SORBS3: variants seen among roughly 807,000 people sequenced by gnomAD.
SORBS3 encodes sorbin and SH3 domain containing 3, also known as vinexin.
A neutral mutation model predicts 98.0 loss-of-function variants in SORBS3; 69 were observed. The ratio of observed to expected loss-of-function variants is 0.70; its 90% CI spans 0.58 to 0.86. The LOEUF (loss-of-function observed/expected upper bound fraction) is 0.86, where lower values mean the gene tolerates loss of function less well. Ranked by LOEUF, SORBS3 falls within the 40% of genes least tolerant of loss-of-function variation. SORBS3 has a pLI of 0.00. For synonymous variants in SORBS3, 394 were observed against 355.4 expected, an observed-to-expected ratio of 1.11 and a Z score of -1.22; for missense variants, 954 against 908.5, an observed-to-expected ratio of 1.05 and a Z score of -0.64.
chr8:22,552,315 T>C (rs754271), intron 1 of SORBS3, among the ~76,000 whole-genome samples: 11,260 of 151,722 alleles, frequency 0.074, 535 homozygotes, highest in African/African-American at 0.13. Flanking sequence ...GCCTCCCCTC[T>C]CCCGCTCCAG....
upstream of SORBS3, among the ~76,000 whole-genome samples, chr8:22,550,535 C>T (rs1840064694): frequency 6.6e-6 from 1 of 152,248 alleles, no homozygotes; most frequent in Non-Finnish European, 1.5e-5. Flanking sequence ...TCAACCCAAA[C>T]ATCTCCTCCA....
At chr8:22,565,666 C>A (rs1840394058) in intron 11 of SORBS3, 160 bp from the exon 12 acceptor site, 2 of 1,201,752 alleles carry the variant, frequency 1.7e-6, no homozygotes, top group Non-Finnish European at 2.1e-6. Context: ...TCCCCTAGTT[C>A]CCGCCCCGCT....
At chr8:22,555,438 A>AT (rs1840166104) in intron 3 of SORBS3, among the ~76,000 whole-genome samples, 1 of 152,220 alleles carries the variant, frequency 6.6e-6, no homozygotes, top group Admixed American at 6.5e-5. Context: ...GCCAGCCCTG[A>AT]ACATGTCTCT....
In SORBS3 at chr8:22,564,046, C is replaced by T; in HGVS notation, c.644C>T (p.Ala215Val). Residue 215 changes from alanine to valine, a missense_variant, in exon 8 of 21, where the codon GCA becomes GTA. By Grantham distance (64) the Ala-to-Val change is moderately conservative. Transcript: ENST00000240123. ...AGCACCTTCAACTACAGACCTGGAG[C>T]ATTCTCCACTGTGCTGCAGCCCTCA... ...PRSTFNYRPGAFSTVLQPSNQ... is the reference protein window; with the variant it reads ...PRSTFNYRPGVFSTVLQPSNQ... 1 of 1,613,966 alleles carries T rather than the reference C, an allele frequency of 6.2e-7. No individual in the cohort carries two copies. Among genetic ancestry groups the T allele is most frequent in the Non-Finnish European group, 8.5e-7 (1 of 1,180,018 alleles).
At chr8:22,571,666 G>A (rs889443925) in intron 18 of SORBS3, 52 bp from the exon 19 acceptor site, 1 of 1,387,130 alleles carries the variant, frequency 7.2e-7, no homozygotes, top group Non-Finnish European at 1.0e-6. Context: ...AGGCTTACAT[G>A]TACCCATCGT....
At chr8:22,546,382 C>G (rs1053687922) in intron 1 of SORBS3, among the ~76,000 whole-genome samples, 1 of 152,152 alleles carries the variant, frequency 6.6e-6, no homozygotes, top group Admixed American at 6.5e-5. Context: ...CTGGTCTGGT[C>G]TCTGATGATA....
At position 22,566,349 on chromosome 8, in the gene SORBS3, G is replaced by C; in HGVS notation, c.955G>C (p.Ala319Pro). The change falls in exon 13 of 21, where the codon GCC (alanine) becomes CCC (proline). Residue 319 changes from alanine to proline, a missense_variant. Physicochemically the swap from Ala to Pro is conservative, Grantham distance 27. Coordinates refer to ENST00000240123, the MANE Select transcript of SORBS3 (RefSeq NM_005775.5). ...CAGTCTCTGTGCCCCGTGCAGCCCGGCCTCAGCCTGGAGCTCCAGCTACCC... is the reference window on the plus strand; with the variant it reads ...CAGTCTCTGTGCCCCGTGCAGCCCGCCCTCAGCCTGGAGCTCCAGCTACCC... ...APEQRPPAGP[A>P]SAWSSSYPHA... is the part of the protein sequence containing the mutation. The C allele has an allele frequency of 6.2e-7, 1 of 1,613,314 alleles. No homozygotes were observed. Among genetic ancestry groups the C allele is most frequent in the Non-Finnish European group, 8.5e-7 (1 of 1,179,792 alleles).
chr8:22,575,574 CTG>C lies in SORBS3; in HGVS notation c.*849_*850del, dbSNP rs1840713026. 1 of 152,820 alleles carries C rather than the reference CTG, an allele frequency of 6.5e-6. No homozygotes were observed. Among genetic ancestry groups the C allele is most frequent in the African/African-American group, 2.4e-5 (1 of 41,434 alleles). The allele number at this position is 152,820 out of a possible 1,614,324, so 9.5% of individuals were successfully genotyped here. On this transcript the variant is annotated 3_prime_UTR_variant, in exon 21 of 21. Transcript: ENST00000240123. ...AGATGGGAATTCCTTCTGTGGAGGG[CTG>C]TGCTGGGAGACAGGTGGGACAGGTG...
At chr8:22,567,975 G>C (rs984593340) in intron 16 of SORBS3, among the ~76,000 whole-genome samples, 1 of 151,736 alleles carries the variant, frequency 6.6e-6, no homozygotes, top group Non-Finnish European at 1.5e-5. Flanking sequence ...AGCTTCCTAA[G>C]TAGCTGGGAC....
In SORBS3 at chr8:22,571,149, C is replaced by G; in HGVS notation, c.1671C>G (p.Asp557Glu). ...TGCGCAGCCCAGCTGACCCCATCGA[C>G]TTGGGGGGACAGACCTCCCCCCGTC... ...SALRSPADPI[D>E]LGGQTSPRRT... Residue 557 changes from aspartate (D) to glutamate (E), a missense_variant, in exon 18 of 21, where the codon GAC becomes GAG. Asp to Glu is a conservative substitution (Grantham distance 45, BLOSUM62 2). Transcript: ENST00000240123. 6.3e-7 allele frequency: 1 copy of G among 1,594,716 alleles called. No individual in the cohort carries two copies. Among genetic ancestry groups the G allele is most frequent in the Non-Finnish European group, 8.5e-7 (1 of 1,172,712 alleles).
chr8:22,572,552 C>G (rs561293430), intron 20 of SORBS3, 106 bp downstream of exon 20: 290 of 889,292 alleles, frequency 3.3e-4, no homozygotes, highest in Middle Eastern at 9.8e-4. Flanking sequence ...CCGACCACCC[C>G]CCGACTCAGC....
upstream of SORBS3, among the ~76,000 whole-genome samples, chr8:22,547,890 G>A (rs937294100): frequency 2.0e-5 from 3 of 152,190 alleles, no homozygotes; most frequent in Non-Finnish European, 4.4e-5. Context: ...GAGGACAGGC[G>A]GGATAAATTG....
At position 22,565,238 on chromosome 8, in the gene SORBS3, C is replaced by G; in HGVS notation, c.817-30C>G. 2.6e-6 allele frequency: 4 copies of G among 1,536,652 alleles called. No homozygotes were observed. The South Asian group carries it at 3.6e-5, about 14-fold the overall frequency. ...CCTCCCACCCCCACGGTGCGCTGCC[C>G]CTCACTGCCCAGCCTCTCCCCGCCC... On this transcript the variant is annotated intron_variant, in intron 10 of 20. Transcript: ENST00000240123.
At chr8:22,558,861 G>C (rs890975169) in intron 5 of SORBS3, among the ~76,000 whole-genome samples, 1 of 152,242 alleles carries the variant, frequency 6.6e-6, no homozygotes, top group Non-Finnish European at 1.5e-5. Flanking sequence ...CGGCCTGGCA[G>C]AGCTGGGGGA....
At chr8:22,573,483 A>C in intron 20 of SORBS3, 3 of 446,074 alleles carry the variant, frequency 6.7e-6, no homozygotes, top group South Asian at 4.8e-5. Flanking sequence ...ATAAATTAAA[A>C]ATCCAGTTCC....
Position 22,554,481 on chromosome 8 carries a change from C to G in SORBS3, c.-26C>G, listed in dbSNP as rs747630111. On this transcript the variant is annotated 5_prime_UTR_variant, in exon 2 of 21. Coordinates refer to ENST00000240123, the MANE Select transcript of SORBS3 (RefSeq NM_005775.5). The surrounding 1 kb of genome is among the most constrained non-coding windows in gnomAD (Gnocchi z 6.5). Reference sequence around the variant, plus strand: ...CACGCAGAGGAGCAGCTGGCTTGCCCGGAGTCCTCCCACCTTGACCCAAGC... The same window carrying G: ...CACGCAGAGGAGCAGCTGGCTTGCCGGGAGTCCTCCCACCTTGACCCAAGC... The G allele has an allele frequency of 6.2e-7, 1 of 1,603,106 alleles. No individual in the cohort carries two copies. Among genetic ancestry groups the G allele is most frequent in the Admixed American group, 1.7e-5 (1 of 59,406 alleles).
chr8:22,562,856 C>T (rs1840323972), intron 7 of SORBS3, among the ~76,000 whole-genome samples: 1 of 152,328 alleles, frequency 6.6e-6, no homozygotes, highest in African/African-American at 2.4e-5. Flanking sequence ...GTGGCTCACG[C>T]CTGTAATCCC....
intron 12 of SORBS3, 48 bp from the exon 13 acceptor site, chr8:22,566,297 G>C: frequency 2.5e-6 from 4 of 1,591,904 alleles, no homozygotes; most frequent in Non-Finnish European, 3.4e-6. Context: ...TGACCAGGGT[G>C]GGGTGCGGAG....
rs1344774728 is a variant in SORBS3 at position 22,568,899 on chromosome 8, C to T, written c.1306-249C>T. Among the ~76,000 whole-genome samples the T allele has an allele frequency of 2.6e-5, 4 of 152,192 alleles. No homozygotes were observed. In the East Asian group the frequency reaches 7.7e-4, roughly 29 times the overall value. The stretch of plus-strand genomic sequence containing the variant: ...TCTTTTCTCTTGGAGTTCTTCACTT[C>T]AGTAATGCCCACTCCATATATCCCT... On this transcript the variant is annotated intron_variant, in intron 16 of 20. Coordinates refer to ENST00000240123, the MANE Select transcript of SORBS3 (RefSeq NM_005775.5).
Sources: gnomAD v4.1 joint callset for allele counts (sites outside exome capture counted in the v4.1 genomes callset) on GRCh38, gnomAD v4.1.1 for gene constraint, Gnocchi (gnomAD v3.1) non-coding constraint, MANE v1.5 for transcripts, NCBI Gene and HGNC (gene_info 2026-07-23, HGNC 2026-07-21) for gene names.